Variants in ATP8B4 observed in about 807,000 individuals in gnomAD.
ATP8B4 encodes the protein ATPase phospholipid transporting 8B4 (putative).
Under a neutral mutation model 145.6 loss-of-function variants are expected in ATP8B4, and 133 were observed. The ratio of observed to expected loss-of-function variants is 0.91; its 90% confidence interval spans 0.79 to 1.05. The LOEUF (loss-of-function observed/expected upper bound fraction) is 1.05. Among genes scored for constraint, ATP8B4 ranks in the 50% least tolerant of loss-of-function variants. ATP8B4 has a pLI of 0.00. For synonymous variants in ATP8B4, 507 were observed against 492.9 expected (o/e 1.03, Z -0.38); for missense variants, 1,458 against 1,425.2 (o/e 1.02, Z -0.37).
intron 9 of ATP8B4, among the ~76,000 whole-genome samples, chr15:49,988,327 C>T (rs548689412): frequency 7.2e-5 from 11 of 152,258 alleles, no homozygotes; most frequent in Middle Eastern, 6.8e-3. Context: ...TAATCTTTCA[C>T]GGACCCTGCC....
At chr15:49,873,810 G>T (rs986905362) in intron 25 of ATP8B4, among the ~76,000 whole-genome samples, 1 of 152,162 alleles carries the variant, frequency 6.6e-6, no homozygotes, top group South Asian at 2.1e-4. Context: ...CCTTGCTTTT[G>T]AAGGCATCTA....
intron 2 of ATP8B4, among the ~76,000 whole-genome samples, chr15:50,101,068 A>C (rs2056322885): frequency 6.6e-6 from 1 of 152,236 alleles, no homozygotes; most frequent in African/African-American, 2.4e-5. Flanking sequence ...AAATTATTTT[A>C]AATTTAAAAG....
rs1044648563 is a variant in ATP8B4 at position 50,154,769 on chromosome 15, T to C, written c.-43+27492A>G. Reference sequence around the variant, plus strand: ...AACTTACTGCAACCTCCACCTCCCATGTTCAAGCGATTCTTCTGCCTCAGC... The same window carrying C: ...AACTTACTGCAACCTCCACCTCCCACGTTCAAGCGATTCTTCTGCCTCAGC... On this transcript the variant is annotated intron_variant, in intron 1 of 3. Coordinates refer to the ATP8B4 transcript ENST00000558829. Among the ~76,000 whole-genome samples, 6 of 152,116 alleles carry C rather than the reference T, an allele frequency of 3.9e-5. No individual in the cohort carries two copies. In the East Asian group the frequency reaches 9.7e-4, roughly 25 times the overall value.
Position 50,098,266 on chromosome 15 carries a change from ATTTTTTTTTTTTTTTTTTTTTTTTTTTT to A in ATP8B4, c.28+8645_28+8672del, listed in dbSNP as rs71124319. Among the ~76,000 whole-genome samples, 118 of 41,768 alleles carry A rather than the reference ATTTTTTTTTTTTTTTTTTTTTTTTTTTT, an allele frequency of 2.8e-3. 2 individuals are homozygous for A. The highest frequency in any genetic ancestry group is 9.6e-3 in the African/African-American group (114 of 11,910). The allele number at this position is 41,768 out of a possible 152,430, so 27.4% of individuals were successfully genotyped here. On this transcript the variant is annotated intron_variant, in intron 2 of 27. Coordinates refer to ENST00000284509, the MANE Select transcript of ATP8B4 (RefSeq NM_024837.4). ...CCATACAGTTCTGTATTGTCAGGTG[ATTTTTTTTTTTTTTTTTTTTTTTTTTTT>A]TTTTTTTTTTTTTTTTAGATAGGGT...
At chr15:49,905,935 T>C (rs563510273) in intron 20 of ATP8B4, among the ~76,000 whole-genome samples, 3 of 152,104 alleles carry the variant, frequency 2.0e-5, no homozygotes, top group African/African-American at 7.2e-5. Flanking sequence ...TAGTGTTTTA[T>C]ACATATATGT....
intron 24 of ATP8B4, among the ~76,000 whole-genome samples, chr15:49,877,612 C>T (rs150120868): frequency 1.2e-3 from 183 of 152,268 alleles, no homozygotes; most frequent in African/African-American, 4.4e-3. Flanking sequence ...GGCTTTGAAA[C>T]AAGACAGTCA....
intron 20 of ATP8B4, among the ~76,000 whole-genome samples, chr15:49,916,642 C>T (rs2039770120): frequency 1.3e-5 from 2 of 152,128 alleles, no homozygotes; most frequent in Admixed American, 1.3e-4. Context: ...TGAGCAGGTA[C>T]TAACCAAAGC....
intron 1 of ATP8B4, among the ~76,000 whole-genome samples, chr15:50,124,417 C>A (rs185515191): frequency 6.6e-6 from 1 of 152,072 alleles, no homozygotes; most frequent in East Asian, 1.9e-4. Context: ...TTACTTATTA[C>A]TCAACTAACT....
At position 49,898,107 on chromosome 15, in the gene ATP8B4, C is replaced by T; in HGVS notation, c.2434G>A (p.Ala812Thr). The change falls in exon 22 of 28, where the codon GCC (alanine) becomes ACC (threonine). Residue 812 changes from alanine to threonine, a missense_variant. Physicochemically the swap from Ala to Thr is moderately conservative, Grantham distance 58. Coordinates refer to ENST00000284509, the MANE Select transcript of ATP8B4 (RefSeq NM_024837.4). ...VKKYRNAVTL[A>T]IGDGANDVSM... The stretch of plus-strand genomic sequence containing the variant: ...ACATCATTGGCTCCATCACCAATGG[C>T]CAAAGTAACAGCATTTCTGTACTTC... The T allele has an allele frequency of 6.2e-7, 1 of 1,613,852 alleles. No homozygotes were observed.
intron 2 of ATP8B4, among the ~76,000 whole-genome samples, chr15:50,090,612 T>C (rs2055546338): frequency 6.6e-6 from 1 of 152,272 alleles, no homozygotes; most frequent in African/African-American, 2.4e-5. Flanking sequence ...GATTTCACCA[T>C]CTCTAGAACT....
chr15:50,170,301 C>T (rs536158255), intron 1 of ATP8B4, among the ~76,000 whole-genome samples: 16 of 152,264 alleles, frequency 1.1e-4, no homozygotes, highest in African/African-American at 3.6e-4. Flanking sequence ...TAAAGGAAAA[C>T]CTATCAGATT....
upstream of ATP8B4, among the ~76,000 whole-genome samples, chr15:50,124,187 T>C (rs895240227): frequency 6.6e-6 from 1 of 152,212 alleles, no homozygotes; most frequent in Admixed American, 6.5e-5. Flanking sequence ...TGTAGTTTCA[T>C]TTATTATCTG....
At chr15:49,983,294 A>G (rs1018871953) in intron 10 of ATP8B4, among the ~76,000 whole-genome samples, 1 of 152,154 alleles carries the variant, frequency 6.6e-6, no homozygotes, top group Non-Finnish European at 1.5e-5. Context: ...CCCTTGTCCA[A>G]TCTGGCTTAC....
At position 49,981,229 on chromosome 15, in the gene ATP8B4, A is replaced by G. The variant is rs776752580; in HGVS notation, c.814T>C (p.Leu272=). ...TKFKRTSIDR[L]MNTLVLWIFG... is the part of the protein sequence containing the mutation. ...ACCCATAGTACTAGAGTATTCATCA[A>G]TCTATCAATGCTTGTCCTTTTAAAC... The change falls in exon 11 of 28, where the codon TTG becomes CTG. Residue 272 remains leucine, a synonymous_variant. Transcript: ENST00000284509. The G allele has an allele frequency of 5.6e-6, 9 of 1,608,664 alleles. No individual in the cohort carries two copies. The highest frequency in any genetic ancestry group is 1.7e-5 in the Admixed American group (1 of 59,896).
intron 2 of ATP8B4, among the ~76,000 whole-genome samples, chr15:50,085,863 C>T (rs1370775620): frequency 4.2e-4 from 19 of 44,962 alleles, no homozygotes; most frequent in East Asian, 1.6e-3. Flanking sequence ...ATATAATAAA[C>T]GTATCATATA....
At chr15:50,036,080 G>A in intron 6 of ATP8B4, among the ~76,000 whole-genome samples, 1 of 152,270 alleles carries the variant, frequency 6.6e-6, no homozygotes, top group Middle Eastern at 3.4e-3. Flanking sequence ...TCTTAATATT[G>A]CCATGGGCTT....
intron 13 of ATP8B4, among the ~76,000 whole-genome samples, chr15:49,970,859 T>G (rs1187973106): frequency 6.6e-6 from 1 of 152,188 alleles, no homozygotes; most frequent in Non-Finnish European, 1.5e-5. Flanking sequence ...TTACACTACC[T>G]GACTTCAAAC....
At chr15:49,892,425 G>T (rs2036932860) in intron 23 of ATP8B4, among the ~76,000 whole-genome samples, 2 of 152,158 alleles carry the variant, frequency 1.3e-5, no homozygotes, top group African/African-American at 2.4e-5. Context: ...TGGGTATTTT[G>T]TCCCTTGGAC....
intron 14 of ATP8B4, among the ~76,000 whole-genome samples, chr15:49,937,122 T>C (rs1420530660): frequency 6.6e-6 from 1 of 152,138 alleles, no homozygotes; most frequent in East Asian, 1.9e-4. Context: ...TGCATTTTGG[T>C]TTTTATCTCT....
Sources: gnomAD v4.1 joint callset for allele counts (sites outside exome capture counted in the v4.1 genomes callset) on GRCh38, gnomAD v4.1.1 for gene constraint, MANE v1.5 for transcripts, NCBI Gene and HGNC (gene_info 2026-07-23, HGNC 2026-07-21) for gene names.